DTNA: variants seen among roughly 807,000 people sequenced by gnomAD.
DTNA encodes the protein dystrobrevin alpha.
Under a neutral mutation model 100.7 loss-of-function variants are expected in DTNA, and 43 were observed. The observed-to-expected ratio is 0.43, with a 90% CI of 0.33 to 0.55. The LOEUF is 0.55. Among genes scored for constraint, DTNA ranks in the 20% least tolerant of loss-of-function variants. The pLI is 0.04. For synonymous variants in DTNA, 349 were observed against 347.9 expected (o/e 1.00, Z -0.04); for missense variants, 798 against 953.9 (o/e 0.84, Z 2.15).
chr18:34,783,119 C>G (rs994934272), intron 3 of DTNA, among the ~76,000 whole-genome samples: 1 of 152,178 alleles, frequency 6.6e-6, no homozygotes, highest in African/African-American at 2.4e-5. Flanking sequence ...TCAGATCTGT[C>G]TTTTCATTTA....
chr18:34,496,092 C>T (rs1392112837), intron 1 of DTNA, among the ~76,000 whole-genome samples: 1 of 152,038 alleles, frequency 6.6e-6, no homozygotes, highest in Non-Finnish European at 1.5e-5. Context: ...CTCACACTTA[C>T]TCAACATTAT....
intron 1 of DTNA, among the ~76,000 whole-genome samples, chr18:34,663,645 AG>A (rs1212483868): frequency 6.6e-6 from 1 of 152,170 alleles, no homozygotes; most frequent in Non-Finnish European, 1.5e-5. Context: ...TTATTTCAGC[AG>A]GGGTATTTGG....
At chr18:34,518,183 G>A (rs906382838) in intron 1 of DTNA, among the ~76,000 whole-genome samples, 4 of 152,066 alleles carry the variant, frequency 2.6e-5, no homozygotes, top group South Asian at 2.1e-4. Flanking sequence ...AATGACTAAC[G>A]ATGTTGAACA....
At position 34,642,485 on chromosome 18, in the gene DTNA, T is replaced by TTTCCTTCC. The variant is rs60259511; in HGVS notation, c.-1-113476_-1-113469dup. On this transcript the variant is annotated intron_variant, in intron 1 of 19. Transcript: ENST00000283365. ...TCCACTTTACTTCAGGCTGGGTTGC[T>TTTCCTTCC]TTCCTTCCTTCCTTCCTTCCTTTCT... 6.2e-3 allele frequency among the ~76,000 whole-genome samples: 942 copies of TTTCCTTCC among 151,814 alleles called. 6 individuals carry two copies. The highest frequency in any genetic ancestry group is 0.021 in the African/African-American group (871 of 41,210).
At chr18:34,728,289 C>T (rs1038102796) in intron 1 of DTNA, among the ~76,000 whole-genome samples, 3 of 152,018 alleles carry the variant, frequency 2.0e-5, no homozygotes, top group South Asian at 2.1e-4. Flanking sequence ...GGACAAAAAA[C>T]AAGGCCCACT....
intron 1 of DTNA, among the ~76,000 whole-genome samples, chr18:34,664,495 T>C (rs1192988533): frequency 6.6e-6 from 1 of 152,090 alleles, no homozygotes; most frequent in Non-Finnish European, 1.5e-5. Context: ...TAGAATAGTA[T>C]GCAAGTGGAA....
chr18:34,881,086 C>G (rs1350340745), intron 20 of DTNA, among the ~76,000 whole-genome samples: 1 of 152,210 alleles, frequency 6.6e-6, no homozygotes, highest in African/African-American at 2.4e-5. Flanking sequence ...GGAAAGTTAA[C>G]AGAGTCCTGG....
intron 1 of DTNA, among the ~76,000 whole-genome samples, chr18:34,550,464 T>G (rs2045288196): frequency 6.6e-6 from 1 of 152,130 alleles, no homozygotes; most frequent in African/African-American, 2.4e-5. Flanking sequence ...AGATTTTAAC[T>G]TAACAGCTGT....
At chr18:34,883,895 G>A (rs902689276) in intron 21 of DTNA, among the ~76,000 whole-genome samples, 3 of 152,174 alleles carry the variant, frequency 2.0e-5, no homozygotes, top group African/African-American at 7.2e-5. Flanking sequence ...CAAAGAAAGA[G>A]GGTAAAAGAA....
At chr18:34,598,771 C>G (rs1213978185) in intron 1 of DTNA, among the ~76,000 whole-genome samples, 2 of 151,962 alleles carry the variant, frequency 1.3e-5, no homozygotes. Context: ...GAGGCTGAGG[C>G]AGGAGAATGG....
chr18:34,774,174 C>G (rs1482303712), intron 3 of DTNA, among the ~76,000 whole-genome samples: 1 of 152,156 alleles, frequency 6.6e-6, no homozygotes, highest in African/African-American at 2.4e-5. Context: ...GAATGCGTTT[C>G]AAGCTTCCCA....
intron 1 of DTNA, among the ~76,000 whole-genome samples, chr18:34,508,293 C>T (rs932429068): frequency 3.3e-5 from 5 of 152,072 alleles, no homozygotes; most frequent in African/African-American, 4.8e-5. Context: ...TTTAGGAGAT[C>T]TTGTCACATA....
At chr18:34,845,274 C>T (rs1418502559) in intron 13 of DTNA, among the ~76,000 whole-genome samples, 3 of 152,086 alleles carry the variant, frequency 2.0e-5, no homozygotes, top group South Asian at 4.1e-4. Context: ...ATCACACAGG[C>T]CCTCATTCAC....
intron 18 of DTNA, among the ~76,000 whole-genome samples, chr18:34,875,954 A>G (rs2096812182): frequency 6.6e-6 from 1 of 152,226 alleles, no homozygotes; most frequent in South Asian, 2.1e-4. Flanking sequence ...TTCCCATGAC[A>G]GGGAGAGTAA....
At chr18:34,625,625 A>C (rs2057215449) in intron 1 of DTNA, among the ~76,000 whole-genome samples, 1 of 152,226 alleles carries the variant, frequency 6.6e-6, no homozygotes, top group Non-Finnish European at 1.5e-5. Context: ...TTATACACTT[A>C]TATATACACA....
intron 1 of DTNA, among the ~76,000 whole-genome samples, chr18:34,504,322 T>C (rs935323098): frequency 2.0e-5 from 3 of 152,198 alleles, no homozygotes; most frequent in African/African-American, 7.2e-5. Context: ...TTGTCTTAAA[T>C]ATTTCCTGTA....
At chr18:34,823,394 C>G (rs554291724) in intron 9 of DTNA, among the ~76,000 whole-genome samples, 1 of 151,974 alleles carries the variant, frequency 6.6e-6, no homozygotes, top group Admixed American at 6.5e-5. Flanking sequence ...TATAATAAGC[C>G]CACTACTTTT....
intron 1 of DTNA, among the ~76,000 whole-genome samples, chr18:34,753,432 G>A (rs2148146067): frequency 7.5e-6 from 1 of 133,548 alleles, no homozygotes; most frequent in African/African-American, 3.4e-5. Flanking sequence ...GCCCAGGCTG[G>A]AGTGCAGTGG....
chr18:34,820,539 A>G (rs1349482031), intron 8 of DTNA, among the ~76,000 whole-genome samples: 2 of 152,128 alleles, frequency 1.3e-5, no homozygotes, highest in Admixed American at 6.5e-5. Context: ...CTGCAGGCCC[A>G]TTAAGTCCCA....
Sources: allele counts gnomAD v4.1 joint callset (sites outside exome capture counted in the v4.1 genomes callset), GRCh38; gene constraint gnomAD v4.1.1; transcripts MANE v1.5; gene names NCBI Gene and HGNC (gene_info 2026-07-23, HGNC 2026-07-21).